Variants in SLC39A11 observed in about 807,000 individuals in gnomAD.
The protein encoded by SLC39A11 is solute carrier family 39 member 11.
In SLC39A11, 33 loss-of-function variants were observed where a neutral mutation model predicts 36.1. That is an observed-to-expected ratio of 0.91 (90% CI 0.69 to 1.22). The LOEUF is 1.22. Ranked by LOEUF, SLC39A11 falls within the 50% of genes most tolerant of loss-of-function variation. The probability of loss-of-function intolerance (pLI) is 0.00; values close to 1 mark genes in which losing one functional copy is unlikely to be tolerated. For synonymous variants in SLC39A11, 166 were observed against 170.3 expected (o/e 0.97, Z 0.20); for missense variants, 432 against 430.3 (o/e 1.00, Z -0.03).
chr17:72,697,887 G>A (rs542673297), intron 7 of SLC39A11, among the ~76,000 whole-genome samples: 1 of 152,312 alleles, frequency 6.6e-6, no homozygotes, highest in African/African-American at 2.4e-5. Flanking sequence ...GTAACCCCAG[G>A]GCTGGGCAAT....
intron 7 of SLC39A11, among the ~76,000 whole-genome samples, chr17:72,727,606 C>T (rs1420601791): frequency 1.4e-5 from 2 of 142,346 alleles, no homozygotes; most frequent in Non-Finnish European, 3.0e-5. Context: ...GAGCTGAGAT[C>T]GTGCCACTGC....
chr17:72,679,540 T>C (rs1017925689), intron 7 of SLC39A11, among the ~76,000 whole-genome samples: 2 of 152,110 alleles, frequency 1.3e-5, no homozygotes, highest in African/African-American at 2.4e-5. Flanking sequence ...GGAACTTGAA[T>C]AGAGACAGCC....
chr17:72,947,812 T>C lies in SLC39A11; in HGVS notation c.370A>G (p.Lys124Glu). 1 of 1,614,142 alleles carries C rather than the reference T, an allele frequency of 6.2e-7. No individual in the cohort carries two copies. Among genetic ancestry groups the C allele is most frequent in the Non-Finnish European group, 8.5e-7 (1 of 1,180,030 alleles). The change falls in exon 5 of 10, where the codon AAG becomes GAG. Residue 124 changes from lysine to glutamate, a missense_variant. Lys to Glu is a moderately conservative substitution (Grantham distance 56, BLOSUM62 1). Transcript: ENST00000255559. ...AGCGCGGGACCCTCAGGATCAGACTTCTTCTTCATCAACGTAGAGCCGAAG... is the reference window on the plus strand; with the variant it reads ...AGCGCGGGACCCTCAGGATCAGACTCCTTCTTCATCAACGTAGAGCCGAAG... ...LNFGSTLMKK[K>E]SDPEGPALLF...
At chr17:72,899,849 C>T (rs942415102) in intron 5 of SLC39A11, among the ~76,000 whole-genome samples, 1 of 151,868 alleles carries the variant, frequency 6.6e-6, no homozygotes, top group African/African-American at 2.4e-5. Flanking sequence ...GTAATCCCAG[C>T]TACCTGGGAG....
At chr17:72,800,054 C>T (rs1375039515) in intron 6 of SLC39A11, among the ~76,000 whole-genome samples, 2 of 151,920 alleles carry the variant, frequency 1.3e-5, no homozygotes, top group South Asian at 2.1e-4. Flanking sequence ...GTTTCTCAGC[C>T]GGCCGACACT....
intron 4 of SLC39A11, among the ~76,000 whole-genome samples, chr17:72,971,502 T>G (rs1016822531): frequency 6.6e-6 from 1 of 152,174 alleles, no homozygotes; most frequent in African/African-American, 2.4e-5. Context: ...GGACTGGGAA[T>G]GCATTTTCTC....
intron 6 of SLC39A11, among the ~76,000 whole-genome samples, chr17:72,805,730 ATTT>A (rs796432423): frequency 6.7e-6 from 1 of 149,182 alleles, no homozygotes; most frequent in African/African-American, 2.5e-5. Context: ...CTCAGAGTTA[ATTT>A]TTTTTTCTTT....
At chr17:73,047,307 A>T (rs910084409) in intron 3 of SLC39A11, among the ~76,000 whole-genome samples, 1 of 151,972 alleles carries the variant, frequency 6.6e-6, no homozygotes, top group African/African-American at 2.4e-5. Flanking sequence ...TACAGGCGTG[A>T]GCCACCGCGC....
At chr17:72,774,613 G>A (rs1341639500) in intron 6 of SLC39A11, among the ~76,000 whole-genome samples, 2 of 152,084 alleles carry the variant, frequency 1.3e-5, no homozygotes. Flanking sequence ...GCCTGGAGGG[G>A]GACTCTGATC....
chr17:72,693,535 C>T (rs189532135), intron 7 of SLC39A11, among the ~76,000 whole-genome samples: 31 of 152,300 alleles, frequency 2.0e-4, no homozygotes, highest in Middle Eastern at 6.8e-3. Flanking sequence ...ATTCCTTGGG[C>T]GGTCGCACAA....
intron 4 of SLC39A11, among the ~76,000 whole-genome samples, chr17:72,951,871 A>C (rs1451637421): frequency 1.3e-5 from 2 of 152,178 alleles, no homozygotes; most frequent in African/African-American, 4.8e-5. Context: ...TTGCTCAAAC[A>C]CTGACTCCCT....
At chr17:72,877,347 T>C (rs1348283385) in intron 5 of SLC39A11, among the ~76,000 whole-genome samples, 1 of 152,220 alleles carries the variant, frequency 6.6e-6, no homozygotes, top group Non-Finnish European at 1.5e-5. Context: ...TGAATAGTAA[T>C]TCACAAGGCA....
At chr17:72,892,279 G>A (rs909364590) in intron 5 of SLC39A11, among the ~76,000 whole-genome samples, 2 of 151,804 alleles carry the variant, frequency 1.3e-5, no homozygotes, top group South Asian at 2.1e-4. Flanking sequence ...GTGTGATGGC[G>A]CATACCTGTA....
chr17:72,704,393 C>T (rs1459022115), intron 7 of SLC39A11, among the ~76,000 whole-genome samples: 2 of 151,890 alleles, frequency 1.3e-5, no homozygotes, highest in African/African-American at 2.4e-5. Context: ...TGGTGCTAGG[C>T]TCCCTTTCTG....
At chr17:72,941,048 G>A (rs2085069656) in intron 5 of SLC39A11, among the ~76,000 whole-genome samples, 1 of 152,160 alleles carries the variant, frequency 6.6e-6, no homozygotes, top group African/African-American at 2.4e-5. Context: ...GAGGTGGGTG[G>A]ATAGCTTGAG....
Position 72,852,939 on chromosome 17 carries a change from G to A in SLC39A11, c.431-3135C>T, listed in dbSNP as rs1365841798. Reference sequence around the variant, plus strand: ...TCCTGTGCCTGGTCTGAGCATACAGGCCTGCACTAGATGCTCTCCAGTGAG... The same window carrying A: ...TCCTGTGCCTGGTCTGAGCATACAGACCTGCACTAGATGCTCTCCAGTGAG... On this transcript the variant is annotated intron_variant, in intron 5 of 9. Transcript: ENST00000255559. 2.0e-5 allele frequency among the ~76,000 whole-genome samples: 3 copies of A among 152,144 alleles called. No individual in the cohort carries two copies. The East Asian group carries it at 5.8e-4, about 29-fold the overall frequency.
intron 4 of SLC39A11, among the ~76,000 whole-genome samples, chr17:73,000,096 G>C (rs898984797): frequency 1.3e-5 from 2 of 152,118 alleles, no homozygotes; most frequent in African/African-American, 4.8e-5. Context: ...CCCACTTTAT[G>C]AGACAAGGAC....
At chr17:72,729,235 T>A (rs1424341259) in intron 7 of SLC39A11, among the ~76,000 whole-genome samples, 1 of 149,394 alleles carries the variant, frequency 6.7e-6, no homozygotes, top group Non-Finnish European at 1.5e-5. Flanking sequence ...CAATCCTTTA[T>A]TTATTTAGTT....
At chr17:73,077,433 T>C (rs1175578825) in intron 3 of SLC39A11, among the ~76,000 whole-genome samples, 1 of 152,218 alleles carries the variant, frequency 6.6e-6, no homozygotes, top group African/African-American at 2.4e-5. Context: ...TTCTCCTGCC[T>C]TAGCCTCTCA....
Sources: gnomAD v4.1 joint callset for allele counts (sites outside exome capture counted in the v4.1 genomes callset) on GRCh38, gnomAD v4.1.1 for gene constraint, MANE v1.5 for transcripts, NCBI Gene and HGNC (gene_info 2026-07-23, HGNC 2026-07-21) for gene names.